Variants in FRMPD2 observed in about 807,000 individuals in gnomAD.
The protein encoded by FRMPD2 is FERM and PDZ domain containing 2, also known as FERM and PDZ domain-containing protein 2.
FRMPD2 carries 96 observed loss-of-function variants against 140.1 expected under a neutral mutation model. That is an observed-to-expected ratio of 0.69 (90% CI 0.58 to 0.81). The LOEUF is 0.81. FRMPD2 is among the 40% of genes least tolerant of loss of function. The probability of loss-of-function intolerance (pLI) is 0.00; values close to 1 mark genes in which losing one functional copy is unlikely to be tolerated. For missense variants in FRMPD2, 1,240 were observed against 1,447.4 expected (o/e 0.86, Z 2.32); for synonymous variants, 449 against 547.6 (o/e 0.82, Z 2.52).
chr10:48,233,952 G>A (rs901919683), intron 9 of FRMPD2, among the ~76,000 whole-genome samples: 1 of 152,152 alleles, frequency 6.6e-6, no homozygotes, highest in African/African-American at 2.4e-5. Context: ...TCCCCACCCT[G>A]GGCCAGGAGC....
intron 21 of FRMPD2, 132 bp from the exon 22 acceptor site, chr10:48,178,283 A>G: frequency 1.6e-6 from 1 of 631,682 alleles, no homozygotes; most frequent in Non-Finnish European, 2.9e-6. Context: ...CCAGCAGGGG[A>G]TTCATTTCCA....
At position 48,218,145 on chromosome 10, in the gene FRMPD2, T is replaced by C. The variant is rs1177054260; in HGVS notation, c.1455+4168A>G. ...TGCCTCCATGGTGTTTCTTTGTGTG[T>C]CCAAATTTCTTCTTCTTATAAGGGC... On this transcript the variant is annotated intron_variant, in intron 12 of 28. Coordinates refer to ENST00000374201, the MANE Select transcript of FRMPD2 (RefSeq NM_001018071.4). Among the ~76,000 whole-genome samples, 6 of 152,272 alleles carry C rather than the reference T, an allele frequency of 3.9e-5. 1 individual carries two copies. In the East Asian group the frequency reaches 1.2e-3, roughly 29 times the overall value.
intron 1 of FRMPD2, among the ~76,000 whole-genome samples, chr10:48,253,395 A>C (rs949532634): frequency 6.6e-6 from 1 of 152,208 alleles, no homozygotes; most frequent in African/African-American, 2.4e-5. Context: ...ACAAACAAGG[A>C]CTGCCCAATA....
In FRMPD2 at chr10:48,242,379, G is replaced by A. The variant is rs749272502; in HGVS notation, c.376-27C>T. The A allele has an allele frequency of 1.1e-5, 17 of 1,600,058 alleles. No individual in the cohort carries two copies. In the South Asian group the frequency reaches 1.1e-4, roughly 10 times the overall value. On this transcript the variant is annotated intron_variant, in intron 4 of 28. Coordinates refer to ENST00000374201, the MANE Select transcript of FRMPD2 (RefSeq NM_001018071.4). ...TGGAGGCAGACAGGGCCGGTGAGAG[G>A]AGAGAGCAGCCAGAGCTGCCACTAC... is the stretch of plus-strand genomic sequence containing the variant.
At chr10:48,230,916 G>A (rs1588843352) in intron 10 of FRMPD2, among the ~76,000 whole-genome samples, 4 of 152,308 alleles carry the variant, frequency 2.6e-5, no homozygotes, top group South Asian at 4.1e-4. Context: ...AATGCCCAAC[G>A]CTGGTCTAGT....
At chr10:48,249,667 C>A (rs1385633151) in intron 2 of FRMPD2, among the ~76,000 whole-genome samples, 2 of 152,188 alleles carry the variant, frequency 1.3e-5, no homozygotes, top group Non-Finnish European at 2.9e-5. Context: ...ACTCCAGGAG[C>A]CTCTGCTGTA....
intron 1 of FRMPD2, among the ~76,000 whole-genome samples, chr10:48,261,526 C>T (rs866582750): frequency 6.6e-6 from 1 of 152,042 alleles, no homozygotes; most frequent in African/African-American, 2.4e-5. Flanking sequence ...AATAAAAAAA[C>T]TACCAATCTA....
chr10:48,214,537 A>T (rs1331529354), intron 12 of FRMPD2, among the ~76,000 whole-genome samples: 1 of 152,190 alleles, frequency 6.6e-6, no homozygotes, highest in Non-Finnish European at 1.5e-5. Context: ...GGGGCAAGGG[A>T]TATATGAAAA....
chr10:48,229,452 T>C (rs1482219551), intron 10 of FRMPD2, among the ~76,000 whole-genome samples: 1 of 152,112 alleles, frequency 6.6e-6, no homozygotes, highest in Admixed American at 6.5e-5. Context: ...TTACTTTGGG[T>C]CTTTCCAGCT....
Position 48,195,786 on chromosome 10 carries a change from G to A in FRMPD2, c.1955-2892C>T, listed in dbSNP as rs184283859. 3.9e-5 allele frequency among the ~76,000 whole-genome samples: 6 copies of A among 152,282 alleles called. No homozygotes were observed. In the East Asian group the frequency reaches 5.8e-4, roughly 15 times the overall value. ...GTAATTCCACACAAATCATCCATTCGTTCATCAAAAAACATGTATTAACCA... is the reference window on the plus strand; with the variant it reads ...GTAATTCCACACAAATCATCCATTCATTCATCAAAAAACATGTATTAACCA... On this transcript the variant is annotated intron_variant, in intron 15 of 28. Coordinates refer to ENST00000374201, the MANE Select transcript of FRMPD2 (RefSeq NM_001018071.4).
intron 16 of FRMPD2, among the ~76,000 whole-genome samples, chr10:48,189,991 G>A (rs187430462): frequency 1.3e-5 from 2 of 152,164 alleles, no homozygotes; most frequent in Non-Finnish European, 2.9e-5. Context: ...CTGGGGTGTT[G>A]AATAACTTCA....
chr10:48,271,315 A>T (rs764456513), intron 1 of FRMPD2, among the ~76,000 whole-genome samples: 2 of 152,214 alleles, frequency 1.3e-5, no homozygotes, highest in Middle Eastern at 3.2e-3. Context: ...TGCTGCCTGC[A>T]CTCTGGACTG....
Position 48,240,460 on chromosome 10 carries a change from A to C in FRMPD2, c.600T>G (p.Ser200=). 1 of 1,613,904 alleles carries C rather than the reference A, an allele frequency of 6.2e-7. No homozygotes were observed. The highest frequency in any genetic ancestry group is 2.2e-5 in the East Asian group (1 of 44,890). ...GCAGGTAGCTTCTGTTCTGCTGCAC[A>C]GAGGAGCTTTCCTCCACAACTCTTT... ...VEKRVVEESS[S]VQQNRSYLLR... is the part of the protein sequence containing the mutation. The change falls in exon 6 of 29, where the codon TCT becomes TCG. Residue 200 remains serine, a synonymous_variant. Transcript: ENST00000374201.
intron 16 of FRMPD2, among the ~76,000 whole-genome samples, chr10:48,189,515 C>T (rs1564419636): frequency 6.6e-6 from 1 of 152,224 alleles, no homozygotes; most frequent in East Asian, 1.9e-4. Context: ...TGGTCATATG[C>T]CCAGGCTTAG....
At chr10:48,218,816 C>T (rs1430679035) in intron 12 of FRMPD2, among the ~76,000 whole-genome samples, 1 of 152,206 alleles carries the variant, frequency 6.6e-6, no homozygotes, top group Non-Finnish European at 1.5e-5. Flanking sequence ...ATCACCCAGG[C>T]TCCAAAGTAA....
intron 15 of FRMPD2, among the ~76,000 whole-genome samples, chr10:48,194,712 T>A (rs1346085298): frequency 6.6e-6 from 1 of 152,028 alleles, no homozygotes; most frequent in African/African-American, 2.4e-5. Flanking sequence ...GGCTGCTTAG[T>A]GAGGTCAGGA....
chr10:48,240,386 G>C lies in FRMPD2; in HGVS notation c.674C>G (p.Ala225Gly), dbSNP rs1226957209. The C allele has an allele frequency of 1.2e-6, 2 of 1,612,936 alleles. No individual in the cohort carries two copies. The highest frequency in any genetic ancestry group is 2.2e-5 in the East Asian group (1 of 44,890). ...GTSSESPAAQ[A>G]PECLHPCRVS... The stretch of plus-strand genomic sequence containing the variant: ...TCTGCAAGGATGCAGACACTCCGGG[G>C]CCTGTGCCGCTGGGCTCTCGCTGCT... The change falls in exon 6 of 29, where the codon GCC becomes GGC. Residue 225 changes from alanine to glycine, a missense_variant. Around this residue, in one of 6 missense-constraint regions of FRMPD2, gnomAD observed 1,161 missense variants for 1,055.9 expected, o/e 1.10. Transcript: ENST00000374201.
chr10:48,184,785 G>T lies in FRMPD2; in HGVS notation c.2456C>A (p.Thr819Lys). Residue 819 changes from threonine (T) to lysine (K), a missense_variant, in exon 19 of 29, where the codon ACG (threonine) becomes AAG (lysine). Around this residue, in one of 6 missense-constraint regions of FRMPD2, gnomAD observed 1,161 missense variants for 1,055.9 expected, o/e 1.10. Coordinates refer to ENST00000374201, the MANE Select transcript of FRMPD2 (RefSeq NM_001018071.4). ...TTAAAAAGATGTACCTGGTTTGATC[G>T]TTTTTGCTTTTTCTGCTGGTCCTCC... ...IPGGPAEKAK[T>K]IKPGGQILAL... 6.2e-7 allele frequency: 1 copy of T among 1,612,708 alleles called. No individual in the cohort carries two copies. Among genetic ancestry groups the T allele is most frequent in the Non-Finnish European group, 8.5e-7 (1 of 1,179,240 alleles).
intron 9 of FRMPD2, among the ~76,000 whole-genome samples, chr10:48,233,526 G>A (rs528592754): frequency 6.6e-6 from 1 of 152,302 alleles, no homozygotes; most frequent in East Asian, 1.9e-4. Flanking sequence ...CTTCCTGAGA[G>A]GGCTGCCCAG....
Sources: allele counts gnomAD v4.1 joint callset (sites outside exome capture counted in the v4.1 genomes callset), GRCh38; gene constraint gnomAD v4.1.1; regional missense constraint gnomAD v4.1.1; transcripts MANE v1.5; gene names NCBI Gene and HGNC (gene_info 2026-07-23, HGNC 2026-07-21).